MARF1: variants seen among roughly 807,000 people sequenced by gnomAD.
MARF1 encodes meiosis regulator and mRNA stability factor 1.
Under a neutral mutation model 168.2 loss-of-function variants are expected in MARF1, and 24 were observed. The observed-to-expected ratio is 0.14, with a 90% CI of 0.10 to 0.20. The LOEUF is 0.20. Among genes scored for constraint, MARF1 ranks in the 10% least tolerant of loss-of-function variants. MARF1 has a pLI of 1.00. For missense variants in MARF1, 1,744 were observed against 2,143.6 expected (o/e 0.81, Z 3.68); for synonymous variants, 868 against 822.4 (o/e 1.06, Z -0.95).
At position 15,615,844 on chromosome 16, in the gene MARF1, G is replaced by A. The variant is rs770961629; in HGVS notation, c.3239C>T (p.Pro1080Leu). The stretch of plus-strand genomic sequence containing the variant: ...CTGACACCTACCAGTGTTGGGAGGC[G>A]GGGGCTTGTTGTGAATCCATTTAAC... Reference protein sequence around the residue: ...KVVKWIHNKPPPPNTDPWLLR... With the variant: ...KVVKWIHNKPLPPNTDPWLLR... The change falls in exon 16 of 27, where the codon CCG becomes CTG. Residue 1080 changes from proline (P) to leucine (L), a missense_variant. Physicochemically the swap from Pro to Leu is moderately conservative, Grantham distance 98 (BLOSUM62 -3). Around this residue, in one of 7 missense-constraint regions of MARF1, gnomAD observed 543 missense variants for 742.1 expected, o/e 0.73. Coordinates refer to ENST00000396368, the MANE Select transcript of MARF1 (RefSeq NM_014647.4). 5.1e-6 allele frequency: 8 copies of A among 1,565,624 alleles called. No individual in the cohort carries two copies. The highest frequency in any genetic ancestry group is 1.4e-5 in the African/African-American group (1 of 73,008).
Position 15,600,535 on chromosome 16 carries a change from C to A in MARF1, c.4706G>T (p.Ser1569Ile). 5 of 1,614,224 alleles carry A rather than the reference C, an allele frequency of 3.1e-6. No individual in the cohort carries two copies. The highest frequency in any genetic ancestry group is 1.6e-4 in the Middle Eastern group (1 of 6,062). The change falls in exon 25 of 27, where the codon AGT (serine) becomes ATT (isoleucine). Residue 1569 changes from serine to isoleucine, a missense_variant. This residue lies in a region of MARF1 where 313 missense variants were observed against 337.4 expected (regional missense o/e 0.93). Coordinates refer to ENST00000396368, the MANE Select transcript of MARF1 (RefSeq NM_014647.4). ...GTTTTCATGATTGGCAGGGGAGAGA[C>A]TGAGTGAACTCAAACGACCTACAGG... ...NDMKSRLSSL[S>I]LSPANHENQP...
intron 16 of MARF1, among the ~76,000 whole-genome samples, chr16:15,614,656 G>GGT (rs1000272564): frequency 1.3e-4 from 20 of 151,828 alleles, no homozygotes; most frequent in African/African-American, 4.3e-4. Flanking sequence ...AGCCGGGCGT[G>GGT]GTGGCGGGCG....
rs770720625 is a variant in MARF1, at chr16:15,604,409, C to T, written c.4183-11G>A. On this transcript the variant is annotated splice_polypyrimidine_tract_variant and intron_variant, in intron 21 of 26. Transcript: ENST00000396368. ...TTCTATATCGGCAACCTGGGGAAAA[C>T]GAGAATTCACACTTTTCAGAGCTCA... 48 of 1,590,832 alleles carry T rather than the reference C, an allele frequency of 3.0e-5. No homozygotes were observed. The highest frequency in any genetic ancestry group is 1.1e-4 in the African/African-American group (8 of 74,374).
intron 14 of MARF1, 21 bp from the exon 15 acceptor site, chr16:15,617,192 T>A: frequency 5.0e-6 from 8 of 1,613,238 alleles, no homozygotes; most frequent in Non-Finnish European, 6.8e-6. Flanking sequence ...GAGAACACAA[T>A]TGGAAGCTGA....
intron 23 of MARF1, chr16:15,601,004 T>C (rs1403681274): frequency 3.2e-6 from 2 of 633,624 alleles, no homozygotes; most frequent in Admixed American, 4.2e-5. Context: ...TTAAGGTAGT[T>C]CTCACATGAG....
intron 16 of MARF1, among the ~76,000 whole-genome samples, chr16:15,613,661 C>CAATAAATAAATAAATAAATA (rs59529278): frequency 0.061 from 7,693 of 126,396 alleles, 321 homozygotes; most frequent in East Asian, 0.1. Flanking sequence ...GATTCCGTCT[C>CAATAAATAAATAAATAAATA]AATAAATAAA....
At chr16:15,636,806 TC>T (rs1162904500) in intron 2 of MARF1, among the ~76,000 whole-genome samples, 1 of 152,016 alleles carries the variant, frequency 6.6e-6, no homozygotes, top group Non-Finnish European at 1.5e-5. Flanking sequence ...TTTAGTAAGA[TC>T]CCCCAAAGGA....
At chr16:15,633,175 C>CCACACACACACACA (rs140240605) in intron 5 of MARF1, among the ~76,000 whole-genome samples, 1,519 of 136,914 alleles carry the variant, frequency 0.011, 34 homozygotes, top group East Asian at 0.089. Context: ...AAAAAAAACA[C>CCACACACACACACA]CACACACACA....
chr16:15,596,733 A>C lies in MARF1; in HGVS notation c.5189T>G (p.Leu1730Trp). The C allele has an allele frequency of 6.2e-7, 1 of 1,608,162 alleles. No individual in the cohort carries two copies. Among genetic ancestry groups the C allele is most frequent in the Non-Finnish European group, 8.5e-7 (1 of 1,175,130 alleles). ...AGGTGCTAAGGAAAAGTTGGCTGCC[A>C]ATTTGACTCTATTTTTGGGTTGCTT... ...AKKQPKNRVK[L>W]AANFSLAPIT... The change falls in exon 27 of 27, where the codon TTG becomes TGG. Residue 1730 changes from leucine (L) to tryptophan (W), a missense_variant. Leu to Trp is a moderately conservative substitution (Grantham distance 61). Coordinates refer to ENST00000396368, the MANE Select transcript of MARF1 (RefSeq NM_014647.4).
intron 3 of MARF1, 178 bp downstream of exon 3, chr16:15,635,478 C>T: frequency 1.7e-6 from 1 of 586,122 alleles, no homozygotes; most frequent in Non-Finnish European, 3.0e-6. Context: ...TTTGAATGAT[C>T]TCCCATCTTA....
intron 1 of MARF1, 28 bp downstream of exon 1, chr16:15,642,990 C>A: frequency 8.4e-6 from 2 of 236,808 alleles, no homozygotes; most frequent in South Asian, 4.0e-5. Flanking sequence ...CTGCCGGGGT[C>A]TGGTCGCAGG....
Position 15,623,107 on chromosome 16 carries a change from G to A in MARF1, c.2287C>T (p.Leu763Phe), listed in dbSNP as rs747621460. 3 of 1,595,684 alleles carry A rather than the reference G, an allele frequency of 1.9e-6. No individual in the cohort carries two copies. The highest frequency in any genetic ancestry group is 2.6e-6 in the Non-Finnish European group (3 of 1,165,256). The change falls in exon 11 of 27, where the codon CTT becomes TTT. Residue 763 changes from leucine (L) to phenylalanine (F), a missense_variant. Coordinates refer to ENST00000396368, the MANE Select transcript of MARF1 (RefSeq NM_014647.4). Reference sequence around the variant, plus strand: ...GCAAGCGGGGATGCTCTGTTTAAAAGGTTTGGAGACATACTCCTGCTTAAA... The same window carrying A: ...GCAAGCGGGGATGCTCTGTTTAAAAAGTTTGGAGACATACTCCTGCTTAAA... ...SWSSRSMSPN[L>F]LNRASPLAFN... is the part of the protein sequence containing the mutation.
intron 16 of MARF1, among the ~76,000 whole-genome samples, chr16:15,615,226 T>C (rs1320060229): frequency 6.6e-6 from 1 of 152,202 alleles, no homozygotes; most frequent in Non-Finnish European, 1.5e-5. Flanking sequence ...CCAGGTGTGG[T>C]GGCTCATGCC....
At chr16:15,606,937 A>G (rs1048435467) in intron 21 of MARF1, among the ~76,000 whole-genome samples, 1 of 152,014 alleles carries the variant, frequency 6.6e-6, no homozygotes, top group Non-Finnish European at 1.5e-5. Flanking sequence ...GACCTGGGCC[A>G]TTTTCTCACC....
At position 15,625,685 on chromosome 16, in the gene MARF1, G is replaced by A; in HGVS notation, c.1640C>T (p.Thr547Ile). The change falls in exon 8 of 27, where the codon ACA becomes ATA. Residue 547 changes from threonine to isoleucine, a missense_variant. This residue lies in a region of MARF1 where 217 missense variants were observed against 372.4 expected (regional missense o/e 0.58). Coordinates refer to ENST00000396368, the MANE Select transcript of MARF1 (RefSeq NM_014647.4). The stretch of plus-strand genomic sequence containing the variant: ...GAAGCGGAGAATTGCACTGCAGCCT[G>A]TGATACTCAGCACTTTCCCACCACA... ...DNCGGKVLSITGCSAILRFIN... is the reference protein window; with the variant it reads ...DNCGGKVLSIIGCSAILRFIN... The A allele has an allele frequency of 6.2e-7, 1 of 1,614,200 alleles. No individual in the cohort carries two copies. The highest frequency in any genetic ancestry group is 2.2e-5 in the East Asian group (1 of 44,888).
intron 22 of MARF1, 121 bp from the exon 23 acceptor site, chr16:15,602,324 A>G: frequency 2.7e-6 from 2 of 742,814 alleles, no homozygotes; most frequent in Non-Finnish European, 4.5e-6. Context: ...GAAGAAAAAG[A>G]AGGCAACGAA....
At chr16:15,620,415 T>C (rs1467783070) in intron 13 of MARF1, 36 bp downstream of exon 13, 2 of 1,363,224 alleles carry the variant, frequency 1.5e-6, no homozygotes, top group Non-Finnish European at 2.1e-6. Flanking sequence ...CACCAATCAG[T>C]ACTGACTGGA....
At position 15,604,321 on chromosome 16, in the gene MARF1, C is replaced by T. The variant is rs528902067; in HGVS notation, c.4260G>A (p.Leu1420=). ...TTCCTTCCCAAGACATCAACAATAC[C>T]AGCAACTGGGCAGTGAGAGATCGCA... is the stretch of plus-strand genomic sequence containing the variant. ...KSLRSLTAQL[L]VLLMSWEGTT... is the part of the protein sequence containing the mutation. The change falls in exon 22 of 27, where the codon CTG becomes CTA. Residue 1420 remains leucine (L), a synonymous_variant. Coordinates refer to ENST00000396368, the MANE Select transcript of MARF1 (RefSeq NM_014647.4). 1.2e-6 allele frequency: 2 copies of T among 1,614,098 alleles called. No individual in the cohort carries two copies. Among genetic ancestry groups the T allele is most frequent in the Non-Finnish European group, 1.7e-6 (2 of 1,180,004 alleles).
chr16:15,602,506 G>A (rs778329665), intron 22 of MARF1: 44 of 501,234 alleles, frequency 8.8e-5, no homozygotes, highest in South Asian at 7.0e-4. Context: ...AGACGAAGAC[G>A]ACGATGAAGA....
Sources: allele counts gnomAD v4.1 joint callset (sites outside exome capture counted in the v4.1 genomes callset), GRCh38; gene constraint gnomAD v4.1.1; regional missense constraint gnomAD v4.1.1; transcripts MANE v1.5; gene names NCBI Gene and HGNC (gene_info 2026-07-23, HGNC 2026-07-21).